CNOT2: variants seen among roughly 807,000 people sequenced by gnomAD.
CNOT2 encodes CCR4-NOT transcription complex subunit 2, also known as CC chemokine receptor 4-negative regulator of transcription 2.
CNOT2 carries 7 observed loss-of-function variants against 72.1 expected under a neutral mutation model. That is an observed-to-expected ratio of 0.10 (90% CI 0.06 to 0.18). The LOEUF is 0.18. CNOT2 is among the 10% of genes least tolerant of loss of function. CNOT2 has a pLI of 1.00. For missense variants in CNOT2, 345 were observed against 660.3 expected, an observed-to-expected ratio of 0.52 and a Z score of 5.23; for synonymous variants, 196 against 225.6, an observed-to-expected ratio of 0.87 and a Z score of 1.17.
chr12:70,332,734 C>T, intron 6 of CNOT2, 33 bp from the exon 7 acceptor site: 3 of 1,569,314 alleles, frequency 1.9e-6, no homozygotes, highest in Non-Finnish European at 1.7e-6. Context: ...AGTGTTCTTA[C>T]TGTATATCTA....
At chr12:70,319,416 T>G in intron 4 of CNOT2, 52 bp downstream of exon 4, 3 of 1,525,248 alleles carry the variant, frequency 2.0e-6, no homozygotes, top group Non-Finnish European at 2.7e-6. Context: ...GAAAAATAAG[T>G]AACTACCAAA....
chr12:70,297,451 C>T (rs1873006088), intron 2 of CNOT2, among the ~76,000 whole-genome samples: 1 of 152,120 alleles, frequency 6.6e-6, no homozygotes, highest in African/African-American at 2.4e-5. Context: ...AAAACTCCTC[C>T]CTACATTAGA....
At chr12:70,313,353 T>C (rs1028672429) in intron 3 of CNOT2, among the ~76,000 whole-genome samples, 6 of 152,080 alleles carry the variant, frequency 3.9e-5, no homozygotes, top group Non-Finnish European at 8.8e-5. Flanking sequence ...GTATATGTAG[T>C]ATACGTATAT....
intron 2 of CNOT2, among the ~76,000 whole-genome samples, chr12:70,293,703 A>G (rs912107446): frequency 1.3e-5 from 2 of 152,106 alleles, no homozygotes; most frequent in Non-Finnish European, 2.9e-5. Flanking sequence ...AAGTACATCC[A>G]TATAGTACAA....
intron 1 of CNOT2, among the ~76,000 whole-genome samples, chr12:70,261,305 C>CTTTTTTTTTTTTT (rs71437141): frequency 1.2e-4 from 5 of 43,340 alleles, no homozygotes; most frequent in Non-Finnish European, 1.7e-4. Context: ...TTCTTTCTTT[C>CTTTTTTTTTTTTT]TTTTTTTTTT....
At chr12:70,293,839 C>A (rs1872365421) in intron 2 of CNOT2, among the ~76,000 whole-genome samples, 3 of 145,466 alleles carry the variant, frequency 2.1e-5, no homozygotes, top group African/African-American at 7.5e-5. Context: ...CACTGTCTTA[C>A]ATGTTTTCAT....
At chr12:70,336,837 A>G (rs1248947866) in intron 8 of CNOT2, 1 of 152,406 alleles carries the variant, frequency 6.6e-6, no homozygotes, top group Non-Finnish European at 1.5e-5. Flanking sequence ...TTGTTCTCCA[A>G]TAAGGGCCCG....
At chr12:70,293,223 C>T (rs1405001120) in intron 2 of CNOT2, among the ~76,000 whole-genome samples, 4 of 149,868 alleles carry the variant, frequency 2.7e-5, no homozygotes, top group East Asian at 2.0e-4. Context: ...TGCAGTGGCA[C>T]GATCTAAACT....
chr12:70,325,148 T>C (rs1023259352), intron 4 of CNOT2, among the ~76,000 whole-genome samples: 2 of 151,758 alleles, frequency 1.3e-5, no homozygotes, highest in African/African-American at 4.8e-5. Flanking sequence ...ATATGAGTAG[T>C]AAAGGACAGA....
chr12:70,275,082 C>A (rs562875724), intron 1 of CNOT2, among the ~76,000 whole-genome samples: 7 of 152,116 alleles, frequency 4.6e-5, no homozygotes, highest in Admixed American at 1.3e-4. Flanking sequence ...ACTGCCTAAC[C>A]TTCTAACATG....
At chr12:70,332,733 A>G (rs754838224) in intron 6 of CNOT2, 34 bp from the exon 7 acceptor site, 3 of 1,568,172 alleles carry the variant, frequency 1.9e-6, no homozygotes, top group South Asian at 2.4e-5. Context: ...TAGTGTTCTT[A>G]CTGTATATCT....
intron 2 of CNOT2, chr12:70,285,289 A>T (rs537642956): frequency 8.6e-5 from 13 of 151,734 alleles, no homozygotes; most frequent in Non-Finnish European, 1.9e-4. Context: ...GGCTCACCGC[A>T]AGCTCTGCCT....
At chr12:70,282,200 G>T (rs1032187601) in intron 2 of CNOT2, among the ~76,000 whole-genome samples, 1 of 152,136 alleles carries the variant, frequency 6.6e-6, no homozygotes, top group African/African-American at 2.4e-5. Context: ...GTATGGGAAG[G>T]TAGAGGTATT....
intron 3 of CNOT2, chr12:70,318,904 C>T: frequency 6.4e-6 from 1 of 155,522 alleles, no homozygotes; most frequent in South Asian, 1.9e-4. Context: ...TAATTTACAT[C>T]TACAAGGAAA....
chr12:70,271,413 G>C (rs1212358363), intron 1 of CNOT2, among the ~76,000 whole-genome samples: 2 of 97,362 alleles, frequency 2.1e-5, no homozygotes, highest in Admixed American at 2.8e-4. Context: ...AGGGTTTCTT[G>C]CCCAGGCTGG....
intron 1 of CNOT2, among the ~76,000 whole-genome samples, chr12:70,268,681 G>A (rs545786870): frequency 6.2e-4 from 94 of 151,368 alleles, no homozygotes; most frequent in African/African-American, 2.1e-3. Context: ...GTCTGGCCTC[G>A]AACTCTGGGC....
intron 15 of CNOT2, among the ~76,000 whole-genome samples, chr12:70,347,282 A>G (rs919772634): frequency 1.3e-5 from 2 of 152,164 alleles, no homozygotes; most frequent in African/African-American, 4.8e-5. Context: ...TAAGAAGACA[A>G]TGTAAAATGC....
chr12:70,332,762 C>A lies in CNOT2; in HGVS notation c.570-5C>A. 6.3e-7 allele frequency: 1 copy of A among 1,597,454 alleles called. No homozygotes were observed. The highest frequency in any genetic ancestry group is 8.5e-7 in the Non-Finnish European group (1 of 1,173,066). ...TATATCTAAAACTATTTTCTATGTA[C>A]CCAGTATGTCTGGATTTGGAATGAA... On this transcript the variant is annotated splice_region_variant and splice_polypyrimidine_tract_variant and intron_variant, in intron 6 of 15. Coordinates refer to ENST00000229195, the MANE Select transcript of CNOT2 (RefSeq NM_014515.7).
At chr12:70,297,478 G>GT (rs1220331882) in intron 2 of CNOT2, among the ~76,000 whole-genome samples, 2 of 152,276 alleles carry the variant, frequency 1.3e-5, no homozygotes, top group East Asian at 3.9e-4. Context: ...ACAATAAAAA[G>GT]TTGCTACTAG....
Sources: allele counts gnomAD v4.1 joint callset (sites outside exome capture counted in the v4.1 genomes callset), GRCh38; gene constraint gnomAD v4.1.1; transcripts MANE v1.5; gene names NCBI Gene and HGNC (gene_info 2026-07-23, HGNC 2026-07-21).